Variants in CGGBP1 observed in about 807,000 individuals in gnomAD.
The protein encoded by CGGBP1 is CGG triplet repeat binding protein 1, also known as CGG triplet repeat-binding protein 1.
A neutral mutation model predicts 11.4 loss-of-function variants in CGGBP1; 4 were observed. The observed-to-expected ratio is 0.35, with a 90% CI of 0.17 to 0.80. CGGBP1 has a LOEUF of 0.80. Ranked by LOEUF, CGGBP1 falls within the 30% of genes least tolerant of loss-of-function variation. The pLI is 0.52. For synonymous variants in CGGBP1, 76 were observed against 74.1 expected, an observed-to-expected ratio of 1.03 and a Z score of -0.13; for missense variants, 135 against 202.1, an observed-to-expected ratio of 0.67 and a Z score of 2.01.
intron 2 of CGGBP1, chr3:88,113,324 AGATCCT>A (rs1705204306): frequency 1.9e-6 from 1 of 517,610 alleles, no homozygotes; most frequent in African/African-American, 2.0e-5. Context: ...ACAGTGTTTA[AGATCCT>A]ATTATTACTG....
chr3:88,128,179 T>C (rs1706231951), intron 2 of CGGBP1, among the ~76,000 whole-genome samples: 1 of 152,142 alleles, frequency 6.6e-6, no homozygotes, highest in Admixed American at 6.6e-5. Context: ...TAAATAAATT[T>C]ATTTAGCTAA....
intron 2 of CGGBP1, among the ~76,000 whole-genome samples, chr3:88,112,787 T>C (rs1705169152): frequency 6.6e-6 from 1 of 152,074 alleles, no homozygotes; most frequent in Non-Finnish European, 1.5e-5. Flanking sequence ...GGGTTCATTT[T>C]AGATGATCCT....
chr3:88,070,902 GTGCAATGA>G (rs1316387173), intron 2 of CGGBP1, among the ~76,000 whole-genome samples: 1 of 152,160 alleles, frequency 6.6e-6, no homozygotes, highest in Non-Finnish European at 1.5e-5. Context: ...TCTGTGGGCA[GTGCAATGA>G]TGGATACTTT....
intron 1 of CGGBP1, among the ~76,000 whole-genome samples, chr3:88,147,950 T>C (rs542739743): frequency 6.6e-6 from 1 of 152,304 alleles, no homozygotes; most frequent in Non-Finnish European, 1.5e-5. Flanking sequence ...AACAGTTCTA[T>C]GATTAAGAAA....
chr3:88,078,452 G>C (rs750855404), intron 2 of CGGBP1, among the ~76,000 whole-genome samples: 20 of 152,156 alleles, frequency 1.3e-4, no homozygotes, highest in Non-Finnish European at 2.5e-4. Context: ...GGGGTAGGGG[G>C]TGGGACAGGA....
At chr3:88,085,063 AG>A (rs1173024291) in intron 2 of CGGBP1, among the ~76,000 whole-genome samples, 2 of 152,224 alleles carry the variant, frequency 1.3e-5, no homozygotes, top group African/African-American at 4.8e-5. Flanking sequence ...GAAAAGATAA[AG>A]TCAGCTAGGA....
rs1163248765 is a variant in CGGBP1 at position 88,054,319 on chromosome 3, T to A, written c.*1154A>T. 2 of 152,356 alleles carry A rather than the reference T, an allele frequency of 1.3e-5. No homozygotes were observed. Among genetic ancestry groups the A allele is most frequent in the Non-Finnish European group, 2.9e-5 (2 of 68,014 alleles). 9.4% of individuals were successfully genotyped at this position (152,356 alleles called of 1,614,324 possible). ...CTACTTGGATAACCTTACAGGATAGTGAGGTTCAAACAGAGATCATTTCCT... is the reference window on the plus strand; with the variant it reads ...CTACTTGGATAACCTTACAGGATAGAGAGGTTCAAACAGAGATCATTTCCT... On this transcript the variant is annotated 3_prime_UTR_variant, in exon 4 of 4. Transcript: ENST00000482016.
intron 2 of CGGBP1, chr3:88,095,539 C>G: frequency 2.0e-6 from 1 of 504,172 alleles, no homozygotes; most frequent in Non-Finnish European, 4.0e-6. Context: ...AGAACCAGGT[C>G]TGCTTCATCT....
At chr3:88,146,050 C>CA (rs774209269) in intron 1 of CGGBP1, among the ~76,000 whole-genome samples, 5 of 152,150 alleles carry the variant, frequency 3.3e-5, no homozygotes, top group Admixed American at 6.5e-5. Context: ...ATTTCAAAGT[C>CA]AAAGGATGAA....
chr3:88,097,833 G>C (rs1344947446), intron 2 of CGGBP1, among the ~76,000 whole-genome samples: 2 of 152,156 alleles, frequency 1.3e-5, no homozygotes, highest in Admixed American at 1.3e-4. Flanking sequence ...ATTTAAAGCA[G>C]TGTGTAGAGG....
chr3:88,127,681 G>T (rs1706202441), intron 2 of CGGBP1, among the ~76,000 whole-genome samples: 1 of 152,144 alleles, frequency 6.6e-6, no homozygotes. Flanking sequence ...TCACTCGTAG[G>T]ATCTAGAATA....
At chr3:88,068,471 A>C (rs747130934) in intron 2 of CGGBP1, among the ~76,000 whole-genome samples, 2 of 152,156 alleles carry the variant, frequency 1.3e-5, no homozygotes, top group Non-Finnish European at 2.9e-5. Flanking sequence ...GTCATAACAA[A>C]ACATGTACAG....
chr3:88,067,150 G>C (rs1425060128), intron 2 of CGGBP1, among the ~76,000 whole-genome samples: 2 of 152,232 alleles, frequency 1.3e-5, no homozygotes, highest in African/African-American at 4.8e-5. Context: ...TGGGGATACA[G>C]TGGTAAGCAA....
At chr3:88,105,580 G>A (rs1261676326) in intron 2 of CGGBP1, among the ~76,000 whole-genome samples, 4 of 152,104 alleles carry the variant, frequency 2.6e-5, no homozygotes, top group African/African-American at 9.7e-5. Flanking sequence ...TTGTAATGTT[G>A]CTAAATATGC....
intron 1 of CGGBP1, among the ~76,000 whole-genome samples, chr3:88,149,390 C>G (rs577361261): frequency 8.4e-4 from 128 of 152,340 alleles, no homozygotes; most frequent in Middle Eastern, 3.4e-3. Context: ...CTTCTAAGGC[C>G]GAGCCGGCAA....
intron 2 of CGGBP1, among the ~76,000 whole-genome samples, chr3:88,109,379 A>G (rs1207430469): frequency 2.0e-5 from 3 of 152,114 alleles, no homozygotes; most frequent in Admixed American, 2.0e-4. Flanking sequence ...AGTTCTTAAA[A>G]GTTGAGTGTT....
intron 2 of CGGBP1, chr3:88,057,526 CTAACCTAGTTGTGGTAAATATACCAAATA>C (rs1396772695): frequency 2.0e-5 from 3 of 152,048 alleles, no homozygotes; most frequent in Non-Finnish European, 2.9e-5. Context: ...ATTAATGGTT[CTAACCTAGTTGTGGTAAATATACCAAATA>C]TAACCTAGTT....
chr3:88,089,457 C>G (rs759692410), intron 2 of CGGBP1, among the ~76,000 whole-genome samples: 2 of 150,356 alleles, frequency 1.3e-5, no homozygotes, highest in Non-Finnish European at 3.0e-5. Flanking sequence ...TGCCATTGCA[C>G]TCTAGCCTGG....
chr3:88,077,331 A>ATTTTTT (rs372006323), intron 2 of CGGBP1, among the ~76,000 whole-genome samples: 1 of 139,694 alleles, frequency 7.2e-6, no homozygotes. Context: ...GCAGACTTAA[A>ATTTTTT]TTGTTTTTTT....
Sources: gnomAD v4.1 joint callset for allele counts (sites outside exome capture counted in the v4.1 genomes callset) on GRCh38, gnomAD v4.1.1 for gene constraint, MANE v1.5 for transcripts, NCBI Gene and HGNC (gene_info 2026-07-23, HGNC 2026-07-21) for gene names.